SH2D3C: variants seen among roughly 807,000 people sequenced by gnomAD.
The protein encoded by SH2D3C is SH2 domain-containing protein 3C.
SH2D3C carries 25 observed loss-of-function variants against 75.2 expected under a neutral mutation model. The observed-to-expected ratio is 0.33, with a 90% CI of 0.24 to 0.46. The LOEUF (loss-of-function observed/expected upper bound fraction) is 0.46. Ranked by LOEUF, SH2D3C falls within the 20% of genes least tolerant of loss-of-function variation. The pLI is 1.00. For missense variants in SH2D3C, 933 were observed against 1,165.3 expected (o/e 0.80, Z 2.90); for synonymous variants, 450 against 473.7 (o/e 0.95, Z 0.65).
intron 3 of SH2D3C, among the ~76,000 whole-genome samples, chr9:127,757,019 G>T (rs954110144): frequency 1.3e-5 from 2 of 150,712 alleles, no homozygotes; most frequent in African/African-American, 4.9e-5. Context: ...AATCTCGGCC[G>T]CCTGGGCTCA....
intron 5 of SH2D3C, among the ~76,000 whole-genome samples, chr9:127,748,768 C>T (rs914606571): frequency 5.3e-5 from 8 of 152,220 alleles, no homozygotes; most frequent in Non-Finnish European, 1.2e-4. Flanking sequence ...ATCCCATTCC[C>T]TGTGCAGTGA....
intron 3 of SH2D3C, among the ~76,000 whole-genome samples, chr9:127,759,758 C>T (rs1040089908): frequency 5.3e-5 from 8 of 151,852 alleles, no homozygotes; most frequent in East Asian, 3.9e-4. Context: ...CCAAGGCAGG[C>T]GGATCACGAA....
intron 1 of SH2D3C, among the ~76,000 whole-genome samples, chr9:127,775,183 G>C (rs574779173): frequency 3.4e-4 from 52 of 152,248 alleles, no homozygotes; most frequent in African/African-American, 1.2e-3. Context: ...TAGCAAAGAT[G>C]ATGATGATGA....
chr9:127,764,247 T>C (rs976783420), intron 2 of SH2D3C, among the ~76,000 whole-genome samples: 4 of 152,112 alleles, frequency 2.6e-5, no homozygotes, highest in African/African-American at 4.8e-5. Context: ...AAGCTGAGGC[T>C]CTGGGGCCAC....
At chr9:127,771,970 AC>A (rs369087968) in intron 2 of SH2D3C, among the ~76,000 whole-genome samples, 278 of 152,338 alleles carry the variant, frequency 1.8e-3, no homozygotes, top group Non-Finnish European at 2.9e-3. Flanking sequence ...TGCTATTGTT[AC>A]GTCCATTTAT....
intron 3 of SH2D3C, among the ~76,000 whole-genome samples, chr9:127,756,306 A>G (rs963578046): frequency 5.9e-5 from 9 of 152,182 alleles, no homozygotes; most frequent in Admixed American, 5.9e-4. Context: ...TGTCTCAAAA[A>G]GAAAAAGAAA....
chr9:127,768,352 G>A (rs1205132223), intron 2 of SH2D3C, among the ~76,000 whole-genome samples: 1 of 152,136 alleles, frequency 6.6e-6, no homozygotes, highest in Non-Finnish European at 1.5e-5. Context: ...CCAGGGCTGG[G>A]GAAGGGGCAA....
At chr9:127,755,118 G>T in intron 3 of SH2D3C, 1 of 1,219,294 alleles carries the variant, frequency 8.2e-7, no homozygotes. Flanking sequence ...AGCAGCAGGC[G>T]GCGGCCGACA....
Position 127,754,962 on chromosome 9 carries a change from G to A in SH2D3C, c.556-3662C>T, listed in dbSNP as rs891836795. ...CCCCGGGTCGGCCGGGCCCAGCCCA[G>A]CCCGACCCTGCCGGGCGCCGCTGAG... On this transcript the variant is annotated intron_variant, in intron 3 of 11. Coordinates refer to ENST00000314830, the MANE Select transcript of SH2D3C (RefSeq NM_170600.3). The surrounding 1 kb of genome is among the most constrained non-coding windows in gnomAD (Gnocchi z 4.4). 1.4e-5 allele frequency: 7 copies of A among 513,796 alleles called. No homozygotes were observed. Among genetic ancestry groups the A allele is most frequent in the East Asian group, 1.4e-4 (2 of 14,260 alleles). The allele number at this position is 513,796 out of a possible 1,614,324, so 31.8% of individuals were successfully genotyped here. A position where few individuals can be genotyped will look rare whatever the true frequency, so the allele number is the denominator to read the frequency against.
intron 5 of SH2D3C, 36 bp from the exon 6 acceptor site, chr9:127,747,307 G>C (rs1268736967): frequency 1.9e-6 from 3 of 1,593,724 alleles, no homozygotes; most frequent in Non-Finnish European, 2.6e-6. Flanking sequence ...AGGGAGCCCG[G>C]AGGTCAGGGG....
chr9:127,750,417 AGTG>A (rs1845167911), intron 4 of SH2D3C, among the ~76,000 whole-genome samples: 1 of 152,140 alleles, frequency 6.6e-6, no homozygotes, highest in Admixed American at 6.5e-5. Flanking sequence ...AGCCTCCCAA[AGTG>A]GTGAGATTAC....
intron 2 of SH2D3C, chr9:127,762,387 A>G (rs1190401147): frequency 1.7e-6 from 2 of 1,186,460 alleles, no homozygotes; most frequent in Non-Finnish European, 1.1e-6. Flanking sequence ...TGGAAACCCA[A>G]CTACCTCCTG....
chr9:127,757,592 C>T (rs1845417251), intron 3 of SH2D3C, among the ~76,000 whole-genome samples: 1 of 148,658 alleles, frequency 6.7e-6, no homozygotes, highest in South Asian at 2.1e-4. Flanking sequence ...AGGCATGCAC[C>T]ACCATACCCA....
intron 2 of SH2D3C, among the ~76,000 whole-genome samples, chr9:127,770,193 C>T (rs1348582588): frequency 6.6e-6 from 1 of 152,140 alleles, no homozygotes; most frequent in Non-Finnish European, 1.5e-5. Flanking sequence ...CCTTCCTCTT[C>T]ATCCCCATGA....
intron 5 of SH2D3C, among the ~76,000 whole-genome samples, chr9:127,748,550 C>T (rs936375455): frequency 6.6e-6 from 1 of 152,196 alleles, no homozygotes; most frequent in African/African-American, 2.4e-5. Flanking sequence ...CGGCTTCCCC[C>T]CTCTAAGCCT....
In SH2D3C at chr9:127,745,110, G is replaced by A; in HGVS notation, c.1265-11C>T. 6.7e-7 allele frequency: 1 copy of A among 1,487,628 alleles called. No individual in the cohort carries two copies. Among genetic ancestry groups the A allele is most frequent in the Non-Finnish European group, 8.9e-7 (1 of 1,122,468 alleles). 92.2% of individuals were successfully genotyped at this position (1,487,628 alleles called of 1,614,324 possible). On this transcript the variant is annotated splice_polypyrimidine_tract_variant and intron_variant, in intron 6 of 11. Coordinates refer to ENST00000314830, the MANE Select transcript of SH2D3C (RefSeq NM_170600.3). ...CATGGACACGGGTTACTGCAGAAAG[G>A]TAGAGAGAGAGGCCCCGTTATAGCA...
Position 127,744,792 on chromosome 9 carries a change from C to T in SH2D3C, c.1572G>A (p.Arg524=), listed in dbSNP as rs748174534. The change falls in exon 7 of 12, where the codon AGG becomes AGA. Residue 524 remains arginine (R), a synonymous_variant. Coordinates refer to ENST00000314830, the MANE Select transcript of SH2D3C (RefSeq NM_170600.3). ...SSQQARSYGE[R]LKELSENGAP... is the part of the protein sequence containing the mutation. ...CCCCATTTTCTGACAGTTCCTTTAGCCTCTCCCCATAGCTCCTGGCCTGCT... is the reference window on the plus strand; with the variant it reads ...CCCCATTTTCTGACAGTTCCTTTAGTCTCTCCCCATAGCTCCTGGCCTGCT... 9.3e-6 allele frequency: 15 copies of T among 1,614,090 alleles called. No individual in the cohort carries two copies. Among genetic ancestry groups the T allele is most frequent in the East Asian group, 4.5e-5 (2 of 44,890 alleles).
Position 127,749,125 on chromosome 9 carries a change from C to A in SH2D3C, c.1139+86G>T. On this transcript the variant is annotated intron_variant, in intron 5 of 11. Transcript: ENST00000314830. The surrounding 1 kb of genome is among the most constrained non-coding windows in gnomAD (Gnocchi z 5.9). ...AGAGGCTCCAGGAGAGTAATTTCATCCCATTTCAGTGTACCTAGGCCTTCT... is the reference window on the plus strand; with the variant it reads ...AGAGGCTCCAGGAGAGTAATTTCATACCATTTCAGTGTACCTAGGCCTTCT... 2.0e-6 allele frequency: 2 copies of A among 995,916 alleles called. No individual in the cohort carries two copies. The highest frequency in any genetic ancestry group is 3.0e-6 in the Non-Finnish European group (2 of 673,916). 61.7% of individuals were successfully genotyped at this position (995,916 alleles called of 1,614,324 possible). A position where few individuals can be genotyped will look rare whatever the true frequency, so the allele number is the denominator to read the frequency against.
In SH2D3C at chr9:127,739,472, TG is replaced by T. The variant is rs1374108744; in HGVS notation, c.2407+209del. 2.6e-5 allele frequency among the ~76,000 whole-genome samples: 4 copies of T among 151,624 alleles called. No homozygotes were observed. In the East Asian group the frequency reaches 5.8e-4, roughly 22 times the overall value. On this transcript the variant is annotated intron_variant, in intron 11 of 11. Coordinates refer to ENST00000314830, the MANE Select transcript of SH2D3C (RefSeq NM_170600.3). This position sits in a 1 kb window ranked among gnomAD's most constrained non-coding sequence, Gnocchi z 4.3. ...TTGCAGTGAGCCGAGACTGTGCCACTGCACTCCAGCCTGGGCGACAGTGTGA... is the reference window on the plus strand; with the variant it reads ...TTGCAGTGAGCCGAGACTGTGCCACTCACTCCAGCCTGGGCGACAGTGTGA...
Sources: allele counts gnomAD v4.1 joint callset (sites outside exome capture counted in the v4.1 genomes callset), GRCh38; gene constraint gnomAD v4.1.1; non-coding constraint Gnocchi (gnomAD v3.1); transcripts MANE v1.5; gene names NCBI Gene and HGNC (gene_info 2026-07-23, HGNC 2026-07-21).